RARB: variants seen among roughly 807,000 people sequenced by gnomAD.
RARB encodes retinoic acid receptor beta.
In RARB, 17 loss-of-function variants were observed where a neutral mutation model predicts 51.9. The observed-to-expected ratio is 0.33, with a 90% confidence interval of 0.22 to 0.49. The LOEUF is 0.49. Ranked by LOEUF, RARB falls within the 20% of genes least tolerant of loss-of-function variation. The pLI, the probability that RARB is intolerant of heterozygous loss-of-function variation, is 0.99. For synonymous variants in RARB, 215 were observed against 195.4 expected (o/e 1.10, Z -0.84); for missense variants, 369 against 550.8 (o/e 0.67, Z 3.30).
intron 2 of RARB, among the ~76,000 whole-genome samples, chr3:24,945,943 A>T (rs1406169620): frequency 6.6e-6 from 1 of 152,210 alleles, no homozygotes; most frequent in African/African-American, 2.4e-5. Context: ...ACTGACTCTA[A>T]TGTCTCAAAC....
intron 4 of RARB, among the ~76,000 whole-genome samples, chr3:25,576,919 CAT>C (rs1457274513): frequency 6.6e-6 from 1 of 152,218 alleles, no homozygotes; most frequent in African/African-American, 2.4e-5. Context: ...GCCATGCTCT[CAT>C]AGTGCCTAGA....
rs151187768 is a variant in RARB at position 25,076,300 on chromosome 3, C to T, written c.-328+16124C>T. 1.2e-4 allele frequency among the ~76,000 whole-genome samples: 19 copies of T among 152,128 alleles called. 1 individual carries two copies. The highest frequency in any genetic ancestry group is 7.2e-4 in the Admixed American group (11 of 15,284). ...GGACTACAGGTACCCACCACCATTC[C>T]GGCTAATTTTTTGTAATTTTAGTAG... On this transcript the variant is annotated intron_variant, in intron 3 of 11. Coordinates refer to the RARB transcript ENST00000383772.
intron 5 of RARB, among the ~76,000 whole-genome samples, chr3:25,405,420 T>C (rs1035153969): frequency 6.6e-6 from 1 of 152,176 alleles, no homozygotes; most frequent in South Asian, 2.1e-4. Flanking sequence ...CTTGCAAACG[T>C]ATTATAAGCA....
At chr3:24,851,121 G>T (rs1001636639) in intron 1 of RARB, among the ~76,000 whole-genome samples, 1 of 152,068 alleles carries the variant, frequency 6.6e-6, no homozygotes, top group Non-Finnish European at 1.5e-5. Flanking sequence ...GGAGACAGGA[G>T]AGGGCATGGG....
chr3:25,158,987 GC>G (rs1274828525), intron 4 of RARB, among the ~76,000 whole-genome samples: 3 of 151,952 alleles, frequency 2.0e-5, no homozygotes, highest in African/African-American at 7.3e-5. Flanking sequence ...CGTTCTACAG[GC>G]CAGAGCTCGG....
intron 3 of RARB, among the ~76,000 whole-genome samples, chr3:25,552,068 A>T (rs1411034214): frequency 6.6e-6 from 1 of 152,176 alleles, no homozygotes; most frequent in Non-Finnish European, 1.5e-5. Flanking sequence ...AAACCTGGTT[A>T]TGAACAAGAG....
intron 5 of RARB, among the ~76,000 whole-genome samples, chr3:25,415,526 C>T (rs1707680245): frequency 2.0e-5 from 3 of 152,076 alleles, no homozygotes; most frequent in Non-Finnish European, 4.4e-5. Flanking sequence ...ATATATACCC[C>T]ATTGTTCCAG....
rs1701753978 is a variant in RARB at position 25,213,752 on chromosome 3, TTTCA to T, written c.178+39182_178+39185del. On this transcript the variant is annotated intron_variant, in intron 5 of 11. Coordinates refer to the RARB transcript ENST00000383772. ...AGAATAATGTTTAGGAGTGCTTAGCTTTCATTCACCAAAGATGTCAAACTATGGT... is the reference window on the plus strand; with the variant it reads ...AGAATAATGTTTAGGAGTGCTTAGCTTTCACCAAAGATGTCAAACTATGGT... Among the ~76,000 whole-genome samples the T allele has an allele frequency of 3.3e-5, 5 of 152,318 alleles. No homozygotes were observed. In the South Asian group the frequency reaches 1.0e-3, roughly 32 times the overall value.
intron 2 of RARB, among the ~76,000 whole-genome samples, chr3:24,929,564 C>A (rs1176424495): frequency 6.6e-6 from 1 of 152,056 alleles, no homozygotes; most frequent in Non-Finnish European, 1.5e-5. Flanking sequence ...TTCATTCATT[C>A]CACAAATAAT....
At chr3:25,021,293 G>A (rs1027689685) in intron 2 of RARB, among the ~76,000 whole-genome samples, 18 of 152,166 alleles carry the variant, frequency 1.2e-4, no homozygotes, top group African/African-American at 2.7e-4. Context: ...CTGTATTTAT[G>A]TCAGTCAAGG....
chr3:24,888,988 T>C (rs911308624), intron 2 of RARB, among the ~76,000 whole-genome samples: 1 of 152,192 alleles, frequency 6.6e-6, no homozygotes, highest in African/African-American at 2.4e-5. Context: ...TTGATGATAA[T>C]GTGAATTTCC....
intron 3 of RARB, among the ~76,000 whole-genome samples, chr3:25,073,268 C>T (rs1164156465): frequency 1.3e-5 from 2 of 152,188 alleles, no homozygotes; most frequent in African/African-American, 4.8e-5. Context: ...AAGTGCAGTT[C>T]CGGTGTTCCC....
At chr3:25,038,703 C>A (rs1698054058) in intron 2 of RARB, among the ~76,000 whole-genome samples, 2 of 152,232 alleles carry the variant, frequency 1.3e-5, no homozygotes, top group South Asian at 4.1e-4. Context: ...AGTGTGGAAA[C>A]TTGTCCTTTT....
intron 1 of RARB, among the ~76,000 whole-genome samples, chr3:24,845,322 T>G (rs2125332364): frequency 6.6e-6 from 1 of 152,294 alleles, no homozygotes; most frequent in South Asian, 2.1e-4. Context: ...TAGAAAGCAG[T>G]GCAATAATGG....
chr3:25,152,654 A>G lies in RARB; in HGVS notation c.-280+20446A>G, dbSNP rs557303700. 3.3e-5 allele frequency among the ~76,000 whole-genome samples: 5 copies of G among 152,346 alleles called. No individual in the cohort carries two copies. The East Asian group carries it at 9.6e-4, about 29-fold the overall frequency. On this transcript the variant is annotated intron_variant, in intron 4 of 11. Transcript: ENST00000383772. ...ACACATACATACATACATACACAGT[A>G]ATACAACCAGCCTGGTACATTAAAC... is the stretch of plus-strand genomic sequence containing the variant.
intron 3 of RARB, among the ~76,000 whole-genome samples, chr3:25,111,738 C>A (rs918612540): frequency 4.6e-5 from 7 of 151,904 alleles, no homozygotes; most frequent in African/African-American, 1.7e-4. Flanking sequence ...GCCACCATGC[C>A]CAGCTAATTT....
At position 25,538,587 on chromosome 3, in the gene RARB, A is replaced by G. The variant is rs1215665487; in HGVS notation, c.449-31171A>G. ...TTAGGGCCTGACGTGGAGAGTAGGCATTTAGAAACTTCAGCAACTTGATAC... is the reference window on the plus strand; with the variant it reads ...TTAGGGCCTGACGTGGAGAGTAGGCGTTTAGAAACTTCAGCAACTTGATAC... On this transcript the variant is annotated intron_variant, in intron 3 of 7. Transcript: ENST00000330688. 2.0e-5 allele frequency among the ~76,000 whole-genome samples: 3 copies of G among 152,332 alleles called. No homozygotes were observed. In the East Asian group the frequency reaches 5.8e-4, roughly 29 times the overall value.
chr3:25,577,307 A>C (rs1700978127), intron 4 of RARB, among the ~76,000 whole-genome samples: 1 of 152,206 alleles, frequency 6.6e-6, no homozygotes, highest in Admixed American at 6.5e-5. Context: ...GGGCGCTGTG[A>C]AAAGTAAAGA....
intron 5 of RARB, among the ~76,000 whole-genome samples, chr3:25,348,535 G>A (rs982567618): frequency 2.6e-5 from 4 of 152,070 alleles, no homozygotes; most frequent in African/African-American, 9.7e-5. Context: ...AAATCCACCA[G>A]TGGGTTTAAG....
Sources: gnomAD v4.1 joint callset for allele counts (sites outside exome capture counted in the v4.1 genomes callset) on GRCh38, gnomAD v4.1.1 for gene constraint, MANE v1.5 for transcripts, NCBI Gene and HGNC (gene_info 2026-07-23, HGNC 2026-07-21) for gene names.